Variants in NHLRC2 observed in about 807,000 individuals in gnomAD.
NHLRC2 encodes NHL repeat containing 2, also known as NHL repeat-containing protein 2.
Under a neutral mutation model 68.1 loss-of-function variants are expected in NHLRC2, and 33 were observed. The ratio of observed to expected loss-of-function variants is 0.48; its 90% confidence interval spans 0.37 to 0.65. NHLRC2 has a LOEUF of 0.65. Ranked by LOEUF, NHLRC2 falls within the 30% of genes least tolerant of loss-of-function variation. NHLRC2 has a pLI of 0.00. For missense variants in NHLRC2, 761 were observed against 853.8 expected (o/e 0.89, Z 1.35); for synonymous variants, 311 against 309.6 (o/e 1.00, Z -0.05).
At chr10:113,879,352 G>A (rs1000380808) in intron 3 of NHLRC2, among the ~76,000 whole-genome samples, 7 of 151,888 alleles carry the variant, frequency 4.6e-5, no homozygotes, top group Admixed American at 1.3e-4. Context: ...TATTTTCTTC[G>A]CTATATACTA....
chr10:113,885,611 A>G (rs1846074508), intron 5 of NHLRC2, among the ~76,000 whole-genome samples: 1 of 151,952 alleles, frequency 6.6e-6, no homozygotes, highest in Non-Finnish European at 1.5e-5. Context: ...GTATGATGTT[A>G]TTTATTACAT....
At chr10:113,889,117 G>A (rs1322975438) in intron 5 of NHLRC2, among the ~76,000 whole-genome samples, 1 of 152,042 alleles carries the variant, frequency 6.6e-6, no homozygotes, top group Admixed American at 6.6e-5. Flanking sequence ...ATGAGCCACT[G>A]CGCCCAGCCA....
rs1393579395 is a variant in NHLRC2 at position 113,911,499 on chromosome 10, A to G, written c.*2963A>G. ...CCAGAAAAAAAAATTTACTATGTGT[A>G]TATTTATATAGGTGTGTGTATACAC... On this transcript the variant is annotated 3_prime_UTR_variant, in exon 11 of 11. Coordinates refer to ENST00000369301, the MANE Select transcript of NHLRC2 (RefSeq NM_198514.4). 1 of 152,136 alleles carries G rather than the reference A, an allele frequency of 6.6e-6. No homozygotes were observed. The highest frequency in any genetic ancestry group is 2.4e-5 in the African/African-American group (1 of 41,464). 9.4% of individuals were successfully genotyped at this position (152,136 alleles called of 1,614,324 possible).
rs1846333340 is a variant in NHLRC2 at position 113,911,911 on chromosome 10, T to TTTAAAATCACGGTGGGGG, written c.*3376_*3393dup. ...TCTTTTCAGTGAGCAATCTGTTATT[T>TTTAAAATCACGGTGGGGG]TTAAAATCACGGTGGGGGGAAACCC... On this transcript the variant is annotated 3_prime_UTR_variant, in exon 11 of 11. Transcript: ENST00000369301. The TTTAAAATCACGGTGGGGG allele has an allele frequency of 6.6e-6, 1 of 152,110 alleles. No homozygotes were observed. The highest frequency in any genetic ancestry group is 1.5e-5 in the Non-Finnish European group (1 of 67,980). The allele number at this position is 152,110 out of a possible 1,614,324, so 9.4% of individuals were successfully genotyped here. A position where few individuals can be genotyped will look rare whatever the true frequency, so the allele number is the denominator to read the frequency against.
rs533841319 is a variant in NHLRC2 at position 113,900,923 on chromosome 10, A to C, written c.1140-743A>C. 2.6e-5 allele frequency among the ~76,000 whole-genome samples: 4 copies of C among 152,184 alleles called. No individual in the cohort carries two copies. The East Asian group carries it at 5.8e-4, about 22-fold the overall frequency. On this transcript the variant is annotated intron_variant, in intron 6 of 10. Transcript: ENST00000369301. The stretch of plus-strand genomic sequence containing the variant: ...AGTCAGCTGCTTCCCTTCCCTCAAC[A>C]CAACACACTACCATGTCTTTTTTAC...
At chr10:113,875,970 G>A (rs1845976066) in intron 2 of NHLRC2, among the ~76,000 whole-genome samples, 1 of 149,742 alleles carries the variant, frequency 6.7e-6, no homozygotes, top group East Asian at 2.0e-4. Context: ...GATAAGAGAA[G>A]TATGTTTTCA....
intron 4 of NHLRC2, among the ~76,000 whole-genome samples, chr10:113,881,445 T>A (rs1185870156): frequency 6.6e-6 from 1 of 151,876 alleles, no homozygotes; most frequent in Non-Finnish European, 1.5e-5. Context: ...TTGTGTTTTA[T>A]TTTTGTTTAA....
In NHLRC2 at chr10:113,908,403, G is replaced by A; in HGVS notation, c.2048G>A (p.Ser683Asn). Residue 683 changes from serine (S) to asparagine (N), a missense_variant, in exon 11 of 11, where the codon AGT (serine) becomes AAT (asparagine). Transcript: ENST00000369301. ...TCACTTGAAGCCATTGTATCTGTCA[G>A]TGTGTTTCTTTATTACTGTAGTGCA... ...CLSLEAIVSV[S>N]VFLYYCSADS... is the part of the protein sequence containing the mutation. 1.9e-6 allele frequency: 3 copies of A among 1,614,098 alleles called. No homozygotes were observed. The highest frequency in any genetic ancestry group is 2.5e-6 in the Non-Finnish European group (3 of 1,179,976).
At position 113,916,719 on chromosome 10, in the gene NHLRC2, A is replaced by G. The variant is rs1846389814; in HGVS notation, c.*8183A>G. The G allele has an allele frequency of 6.6e-6, 1 of 152,154 alleles. No individual in the cohort carries two copies. Among genetic ancestry groups the G allele is most frequent in the South Asian group, 2.1e-4 (1 of 4,832 alleles). The allele number at this position is 152,154 out of a possible 1,614,324, so 9.4% of individuals were successfully genotyped here. ...ACTCAAACTCTTTCCCATCTTTTGT[A>G]TGGATAAAGTTTATGGTTTCATTTC... On this transcript the variant is annotated 3_prime_UTR_variant, in exon 11 of 11. Coordinates refer to ENST00000369301, the MANE Select transcript of NHLRC2 (RefSeq NM_198514.4).
At chr10:113,892,167 A>G (rs115888758) in intron 5 of NHLRC2, among the ~76,000 whole-genome samples, 3 of 152,174 alleles carry the variant, frequency 2.0e-5, no homozygotes, top group South Asian at 2.1e-4. Flanking sequence ...GGTTCTAGTC[A>G]TAGGTACTTA....
At chr10:113,856,377 C>T (rs1349082784) in intron 1 of NHLRC2, among the ~76,000 whole-genome samples, 3 of 152,164 alleles carry the variant, frequency 2.0e-5, no homozygotes, top group Non-Finnish European at 2.9e-5. Context: ...AAGTCTTTTG[C>T]ACTACTCACC....
At position 113,913,845 on chromosome 10, in the gene NHLRC2, T is replaced by G. The variant is rs1008787238; in HGVS notation, c.*5309T>G. 1.3e-5 allele frequency: 2 copies of G among 149,890 alleles called. No individual in the cohort carries two copies. The highest frequency in any genetic ancestry group is 5.0e-5 in the African/African-American group (2 of 39,980). 9.3% of individuals were successfully genotyped at this position (149,890 alleles called of 1,614,324 possible). On this transcript the variant is annotated 3_prime_UTR_variant, in exon 11 of 11. Transcript: ENST00000369301. Reference sequence around the variant, plus strand: ...TTAGGTACTTTTTGTTGTTGTTGTTTTGTTTTTTTTTTTTTTTTTTGAGAT... The same window carrying G: ...TTAGGTACTTTTTGTTGTTGTTGTTGTGTTTTTTTTTTTTTTTTTTGAGAT...
intron 2 of NHLRC2, among the ~76,000 whole-genome samples, chr10:113,873,220 TTGAA>T (rs760221521): frequency 7.2e-5 from 11 of 152,128 alleles, no homozygotes; most frequent in Non-Finnish European, 1.6e-4. Flanking sequence ...GAAAAACAGT[TTGAA>T]TGTCCCAAAA....
At chr10:113,875,468 T>G (rs1167153681) in intron 2 of NHLRC2, among the ~76,000 whole-genome samples, 1 of 152,126 alleles carries the variant, frequency 6.6e-6, no homozygotes, top group African/African-American at 2.4e-5. Flanking sequence ...TGGGCTAGAG[T>G]TGCAGTGGGA....
At chr10:113,870,808 T>A (rs1311545148) in intron 2 of NHLRC2, among the ~76,000 whole-genome samples, 1 of 152,184 alleles carries the variant, frequency 6.6e-6, no homozygotes, top group Admixed American at 6.5e-5. Flanking sequence ...TGTCTTGACA[T>A]ACTTTTTAAT....
intron 4 of NHLRC2, among the ~76,000 whole-genome samples, chr10:113,881,177 T>C (rs528488082): frequency 1.3e-3 from 200 of 152,034 alleles, no homozygotes; most frequent in African/African-American, 4.6e-3. Context: ...TAATGGTGTA[T>C]TGAATTAGTA....
chr10:113,875,566 T>C (rs1319474988), intron 2 of NHLRC2, among the ~76,000 whole-genome samples: 3 of 152,066 alleles, frequency 2.0e-5, no homozygotes, highest in Admixed American at 1.3e-4. Context: ...GAAAAGAAAA[T>C]AAAATTGGCA....
At chr10:113,901,523 A>G (rs1023216315) in intron 6 of NHLRC2, 143 bp from the exon 7 acceptor site, 1 of 628,522 alleles carries the variant, frequency 1.6e-6, no homozygotes, top group East Asian at 2.7e-5. Flanking sequence ...TGACTTGAAC[A>G]ATTTAACTAG....
intron 2 of NHLRC2, among the ~76,000 whole-genome samples, chr10:113,864,612 G>T (rs993700037): frequency 2.0e-5 from 3 of 151,268 alleles, no homozygotes; most frequent in African/African-American, 7.3e-5. Flanking sequence ...CAAGAGAATC[G>T]CTTGAACCCA....
Sources: gnomAD v4.1 joint callset for allele counts (sites outside exome capture counted in the v4.1 genomes callset) on GRCh38, gnomAD v4.1.1 for gene constraint, MANE v1.5 for transcripts, NCBI Gene and HGNC (gene_info 2026-07-23, HGNC 2026-07-21) for gene names.